The following PHF3 variants were observed in gnomAD, a reference collection of about 807,000 sequenced individuals.
PHF3 encodes the protein PHD finger protein 3.
In PHF3, 41 loss-of-function variants were observed where a neutral mutation model predicts 178.4. The observed-to-expected ratio is 0.23, with a 90% CI of 0.18 to 0.30. The LOEUF is 0.30. PHF3 is among the 10% of genes least tolerant of loss of function. The pLI is 1.00. For synonymous variants in PHF3, 842 were observed against 800.5 expected (o/e 1.05, Z -0.88); for missense variants, 2,346 against 2,398.1 (o/e 0.98, Z 0.45).
At position 63,721,176 on chromosome 6, in the gene PHF3, G is replaced by C; in HGVS notation, c.*7468G>C. 6.4e-7 allele frequency: 1 copy of C among 1,551,572 alleles called. No individual in the cohort carries two copies. The highest frequency in any genetic ancestry group is 2.4e-5 in the East Asian group (1 of 40,906). On this transcript the variant is annotated 3_prime_UTR_variant, in exon 16 of 16. Transcript: ENST00000262043. ...CATAAATTTTGCAGTTGAAAATGAA[G>C]TTTTGTTTTCACAATACCTTCCCAC...
intron 2 of PHF3, among the ~76,000 whole-genome samples, chr6:63,672,559 CCTT>C (rs1289752555): frequency 2.0e-5 from 3 of 152,134 alleles, no homozygotes; most frequent in Non-Finnish European, 4.4e-5. Flanking sequence ...TTTAGATACT[CCTT>C]TAATGAAATT....
At chr6:63,681,609 A>T (rs1383572829) in intron 3 of PHF3, among the ~76,000 whole-genome samples, 2 of 151,862 alleles carry the variant, frequency 1.3e-5, no homozygotes, top group Non-Finnish European at 2.9e-5. Context: ...TTGTTTTGAG[A>T]ATGGTCCTTT....
At chr6:63,655,504 C>T (rs1016079224) in intron 2 of PHF3, among the ~76,000 whole-genome samples, 4 of 152,098 alleles carry the variant, frequency 2.6e-5, no homozygotes, top group Non-Finnish European at 4.4e-5. Context: ...TGTGCCACTG[C>T]GCCTGGCTTC....
rs1285028276 is a variant in PHF3, at chr6:63,721,011, T to C, written c.*7303T>C. 1.9e-6 allele frequency: 3 copies of C among 1,551,312 alleles called. No homozygotes were observed. In the South Asian group the frequency reaches 3.6e-5, roughly 18 times the overall value. ...ATTATGGAGACCAATTGCCAGAAAA[T>C]CATTTTCTTCATTTTGAGCTATTCC... is the stretch of plus-strand genomic sequence containing the variant. On this transcript the variant is annotated 3_prime_UTR_variant, in exon 16 of 16. Coordinates refer to ENST00000262043, the MANE Select transcript of PHF3 (RefSeq NM_001370348.2).
At chr6:63,650,594 A>G (rs1289096182) in intron 2 of PHF3, among the ~76,000 whole-genome samples, 2 of 152,230 alleles carry the variant, frequency 1.3e-5, no homozygotes, top group African/African-American at 2.4e-5. Flanking sequence ...TAGTTTTACA[A>G]TTAGTAAAAC....
At chr6:63,693,898 A>G (rs1254252534) in intron 5 of PHF3, among the ~76,000 whole-genome samples, 4 of 152,226 alleles carry the variant, frequency 2.6e-5, no homozygotes, top group African/African-American at 4.8e-5. Flanking sequence ...TGGGTGTATA[A>G]TATTGAAGTA....
Position 63,702,618 on chromosome 6 carries a change from G to T in PHF3, c.3210G>T (p.Gln1070His), listed in dbSNP as rs1323279124. The change falls in exon 10 of 16, where the codon CAG becomes CAT. Residue 1070 changes from glutamine to histidine, a missense_variant. By Grantham distance (24) the Gln-to-His change is conservative. Transcript: ENST00000262043. ...EIESDAPMKE[Q>H]EAAMEIQEPA... ...AGAGTGATGCCCCAATGAAAGAACA[G>T]GAAGCAGCCATGGAGATTCAGGTAA... is the stretch of plus-strand genomic sequence containing the variant. 6.2e-7 allele frequency: 1 copy of T among 1,612,702 alleles called. No individual in the cohort carries two copies. The highest frequency in any genetic ancestry group is 1.3e-5 in the African/African-American group (1 of 74,872).
intron 1 of PHF3, 64 bp downstream of exon 1, chr6:63,636,214 A>C: frequency 2.9e-6 from 1 of 347,418 alleles, no homozygotes; most frequent in Non-Finnish European, 5.2e-6. Flanking sequence ...ATCCCCTTCC[A>C]CACGCACAGC....
rs2149623660 is a variant in PHF3 at position 63,720,755 on chromosome 6, A to G, written c.*7047A>G. 1 of 1,550,554 alleles carries G rather than the reference A, an allele frequency of 6.4e-7. No homozygotes were observed. The highest frequency in any genetic ancestry group is 8.7e-7 in the Non-Finnish European group (1 of 1,146,364). On this transcript the variant is annotated 3_prime_UTR_variant, in exon 16 of 16. Transcript: ENST00000262043. ...GAGTAACGATATTTACCTTTCTACC[A>G]TATTCAAAGCCCCCTAGATAACAAA...
intron 2 of PHF3, among the ~76,000 whole-genome samples, chr6:63,654,316 G>A (rs911703840): frequency 1.3e-5 from 2 of 152,120 alleles, no homozygotes; most frequent in East Asian, 1.9e-4. Context: ...AATTTAATAC[G>A]TGTAGCCATG....
intron 3 of PHF3, among the ~76,000 whole-genome samples, chr6:63,680,800 C>A (rs1166320171): frequency 6.6e-6 from 1 of 151,994 alleles, no homozygotes; most frequent in Admixed American, 6.6e-5. Flanking sequence ...ATTGAAAACA[C>A]CTCTTGGAGC....
At position 63,720,157 on chromosome 6, in the gene PHF3, T is replaced by C. The variant is rs963071034; in HGVS notation, c.*6449T>C. 5.4e-6 allele frequency: 1 copy of C among 184,026 alleles called. No individual in the cohort carries two copies. The highest frequency in any genetic ancestry group is 2.3e-5 in the African/African-American group (1 of 43,066). 11.4% of individuals were successfully genotyped at this position (184,026 alleles called of 1,614,324 possible). A position where few individuals can be genotyped will look rare whatever the true frequency, so the allele number is the denominator to read the frequency against. ...ATGGTTACATTGCTTTGTATAATTTTTATTTTTCCTTTGATTAATAACTTG... is the reference window on the plus strand; with the variant it reads ...ATGGTTACATTGCTTTGTATAATTTCTATTTTTCCTTTGATTAATAACTTG... On this transcript the variant is annotated 3_prime_UTR_variant, in exon 16 of 16. Transcript: ENST00000262043.
chr6:63,671,789 A>C (rs956454440), intron 2 of PHF3, among the ~76,000 whole-genome samples: 1 of 152,190 alleles, frequency 6.6e-6, no homozygotes, highest in African/African-American at 2.4e-5. Flanking sequence ...CTCTGTCGCC[A>C]GGCTGGAGTT....
At chr6:63,666,525 C>T (rs901824370) in intron 2 of PHF3, among the ~76,000 whole-genome samples, 1 of 151,686 alleles carries the variant, frequency 6.6e-6, no homozygotes. Context: ...GGTTCCAGGA[C>T]TTCTCCCTGC....
chr6:63,649,630 A>G (rs1764939572), intron 2 of PHF3, among the ~76,000 whole-genome samples: 1 of 152,258 alleles, frequency 6.6e-6, no homozygotes, highest in Non-Finnish European at 1.5e-5. Flanking sequence ...AATTATAAAA[A>G]TAAGAAACAT....
chr6:63,685,094 A>G lies in PHF3; in HGVS notation c.1372A>G (p.Lys458Glu), dbSNP rs771883304. Reference protein sequence around the residue: ...SKQLNAIESTKIESHETANLQ... With the variant: ...SKQLNAIESTEIESHETANLQ... ...ACAGTTGAATGCTATAGAAAGTACT[A>G]AAATAGAGTCCCATGAAACAGCAAA... Residue 458 changes from lysine to glutamate, a missense_variant, in exon 4 of 16, where the codon AAA (lysine) becomes GAA (glutamate). Coordinates refer to ENST00000262043, the MANE Select transcript of PHF3 (RefSeq NM_001370348.2). 1.9e-6 allele frequency: 3 copies of G among 1,614,112 alleles called. No individual in the cohort carries two copies. The highest frequency in any genetic ancestry group is 3.3e-5 in the Admixed American group (2 of 60,022).
At chr6:63,674,989 T>A (rs1241425128) in intron 2 of PHF3, among the ~76,000 whole-genome samples, 1 of 152,180 alleles carries the variant, frequency 6.6e-6, no homozygotes, top group East Asian at 1.9e-4. Context: ...ATGGTTTTTA[T>A]TCTCTTTATC....
At chr6:63,704,275 G>A (rs1269119076) in intron 11 of PHF3, among the ~76,000 whole-genome samples, 2 of 151,952 alleles carry the variant, frequency 1.3e-5, no homozygotes, top group African/African-American at 2.4e-5. Flanking sequence ...TTACATTGGC[G>A]TTCACTCTTA....
In PHF3 at chr6:63,712,505, A is replaced by G. The variant is rs374099236; in HGVS notation, c.4917A>G (p.Thr1639=). Residue 1639 remains threonine, a synonymous_variant, in exon 16 of 16, where the codon ACA becomes ACG. Transcript: ENST00000262043. Reference sequence around the variant, plus strand: ...GTAGTGAAAACCTTGTTGCTAATACAGCGAGGTCTCCACAGTTTATCAACC... The same window carrying G: ...GTAGTGAAAACCTTGTTGCTAATACGGCGAGGTCTCCACAGTTTATCAACC... ...VSCSENLVAN[T]ARSPQFINLK... is the part of the protein sequence containing the mutation. 17 of 1,613,868 alleles carry G rather than the reference A, an allele frequency of 1.1e-5. No homozygotes were observed. Among genetic ancestry groups the G allele is most frequent in the Non-Finnish European group, 1.4e-5 (16 of 1,179,956 alleles).
Sources: gnomAD v4.1 joint callset for allele counts (sites outside exome capture counted in the v4.1 genomes callset) on GRCh38, gnomAD v4.1.1 for gene constraint, MANE v1.5 for transcripts, NCBI Gene and HGNC (gene_info 2026-07-23, HGNC 2026-07-21) for gene names.